Variants in KLC1 observed in about 807,000 individuals in gnomAD.
KLC1 encodes kinesin light chain 1, also known as kinesin 2 60/70kDa.
KLC1 carries 30 observed loss-of-function variants against 84.2 expected under a neutral mutation model. The observed-to-expected ratio is 0.36, with a 90% confidence interval of 0.27 to 0.48. The LOEUF is 0.48. KLC1 is among the 20% of genes least tolerant of loss of function. The pLI is 0.99. For synonymous variants in KLC1, 289 were observed against 293.3 expected (o/e 0.99, Z 0.15); for missense variants, 499 against 805.4 (o/e 0.62, Z 4.60).
rs1017781777 is a variant in KLC1 at position 103,701,233 on chromosome 14, C to T, written c.*34C>T. The T allele has an allele frequency of 7.1e-6, 11 of 1,549,338 alleles. No individual in the cohort carries two copies. Among genetic ancestry groups the T allele is most frequent in the Non-Finnish European group, 9.6e-6 (11 of 1,145,798 alleles). On this transcript the variant is annotated 3_prime_UTR_variant, in exon 17 of 17. Coordinates refer to ENST00000334553, the MANE Select transcript of KLC1 (RefSeq NM_001394837.1). Reference sequence around the variant, plus strand: ...GACCTGGCCCCGCTCCAGGATGGGACTGCCGAGTGTGGCCCGGAGCTGGCC... The same window carrying T: ...GACCTGGCCCCGCTCCAGGATGGGATTGCCGAGTGTGGCCCGGAGCTGGCC...
At chr14:103,696,245 TGACATG>T (rs2082501510) in intron 15 of KLC1, 1 of 985,216 alleles carries the variant, frequency 1.0e-6, no homozygotes, top group Non-Finnish European at 1.2e-6. Context: ...GGAAGTCCTG[TGACATG>T]GATGCTTCCC....
Position 103,694,888 on chromosome 14 carries a change from G to C in KLC1, c.1848+2463G>C. 15 of 985,494 alleles carry C rather than the reference G, an allele frequency of 1.5e-5. No individual in the cohort carries two copies. The highest frequency in any genetic ancestry group is 1.8e-5 in the Non-Finnish European group (15 of 829,942). 61.0% of individuals were successfully genotyped at this position (985,494 alleles called of 1,614,324 possible). A position where few individuals can be genotyped will look rare whatever the true frequency, so the allele number is the denominator to read the frequency against. On this transcript the variant is annotated intron_variant, in intron 15 of 16. Coordinates refer to ENST00000334553, the MANE Select transcript of KLC1 (RefSeq NM_001394837.1). The surrounding 1 kb of genome is among the most constrained non-coding windows in gnomAD (Gnocchi z 4.5). ...AAGTTTCATCCCGCCTCATGTCGCA[G>C]GACTGCTGTGTTTGTGAAAGCGCGT...
intron 9 of KLC1, among the ~76,000 whole-genome samples, chr14:103,675,202 A>G (rs544710766): frequency 1.3e-5 from 2 of 152,116 alleles, no homozygotes; most frequent in South Asian, 4.1e-4. Flanking sequence ...GCGGGTGCCT[A>G]TAATCCCAGC....
rs749414568 is a variant in KLC1, at chr14:103,677,419, A to G, written c.1384A>G (p.Thr462Ala). The G allele has an allele frequency of 1.9e-6, 3 of 1,602,580 alleles. No individual in the cohort carries two copies. Among genetic ancestry groups the G allele is most frequent in the East Asian group, 4.5e-5 (2 of 44,824 alleles). Residue 462 changes from threonine (T) to alanine (A), a missense_variant, in exon 12 of 17, where the codon ACT becomes GCT. Thr to Ala is a moderately conservative substitution (Grantham distance 58). This residue lies in a region of KLC1 where 153 missense variants were observed against 332.4 expected (regional missense o/e 0.46). Transcript: ENST00000334553. ...WYKACKVDSP[T>A]VTTTLKNLGA... ...ATGTCATGTGCTTTCTTACAGTCCAACTGTTACAACCACTCTAAAAAACCT... is the reference window on the plus strand; with the variant it reads ...ATGTCATGTGCTTTCTTACAGTCCAGCTGTTACAACCACTCTAAAAAACCT...
At chr14:103,645,853 G>A (rs1268390560) in intron 1 of KLC1, among the ~76,000 whole-genome samples, 1 of 151,902 alleles carries the variant, frequency 6.6e-6, no homozygotes, top group Non-Finnish European at 1.5e-5. Context: ...CGCCTTCTGG[G>A]TTCATGCCAT....
intron 1 of KLC1, among the ~76,000 whole-genome samples, chr14:103,643,993 ATCACGAGG>A (rs1025227568): frequency 6.6e-6 from 1 of 152,080 alleles, no homozygotes; most frequent in Non-Finnish European, 1.5e-5. Context: ...AGGCAGGCAG[ATCACGAGG>A]TCAGGAGATC....
At chr14:103,675,485 G>GAGCAGTTCAGA in intron 9 of KLC1, 67 bp from the exon 10 acceptor site, 2 of 1,379,476 alleles carry the variant, frequency 1.4e-6, no homozygotes, top group Non-Finnish European at 2.0e-6. Flanking sequence ...ATTCCCCTTA[G>GAGCAGTTCAGA]AGCAGTTCAG....
At position 103,701,342 on chromosome 14, in the gene KLC1, A is replaced by G; in HGVS notation, c.*143A>G. 3.5e-6 allele frequency: 3 copies of G among 865,072 alleles called. No individual in the cohort carries two copies. The highest frequency in any genetic ancestry group is 2.4e-5 in the Admixed American group (1 of 41,744). The allele number at this position is 865,072 out of a possible 1,614,324, so 53.6% of individuals were successfully genotyped here. On this transcript the variant is annotated 3_prime_UTR_variant, in exon 17 of 17. Transcript: ENST00000334553. ...TCTCCTGCGTCTGTGTGCATAGGAC[A>G]TGATACTAATAACCACACGGCTGGC...
rs554448731 is a variant in KLC1 at position 103,648,836 on chromosome 14, A to G, written c.-1-5728A>G. Among the ~76,000 whole-genome samples, 113 of 151,990 alleles carry G rather than the reference A, an allele frequency of 7.4e-4. 2 individuals are homozygous for G. Among genetic ancestry groups the G allele is most frequent in the Admixed American group, 2.3e-3 (35 of 15,262 alleles). Reference sequence around the variant, plus strand: ...GGAGAATCATGTATGTTAAAAATACATGTCAAAATGGCACAGTGGGCTGGG... The same window carrying G: ...GGAGAATCATGTATGTTAAAAATACGTGTCAAAATGGCACAGTGGGCTGGG... On this transcript the variant is annotated intron_variant, in intron 1 of 16. Transcript: ENST00000334553.
In KLC1 at chr14:103,657,874, C is replaced by T; in HGVS notation, c.492+98C>T. The T allele has an allele frequency of 3.6e-6, 3 of 844,570 alleles. No homozygotes were observed. In the South Asian group the frequency reaches 5.1e-5, roughly 14 times the overall value. 52.3% of individuals were successfully genotyped at this position (844,570 alleles called of 1,614,324 possible). On this transcript the variant is annotated intron_variant, in intron 3 of 16. Transcript: ENST00000334553. ...TTGCCATATTCTTTTCATATTAGAACATATTAGAACATTAGAACATGCAAA... is the reference window on the plus strand; with the variant it reads ...TTGCCATATTCTTTTCATATTAGAATATATTAGAACATTAGAACATGCAAA...
At chr14:103,681,650 G>A (rs1480373243) in intron 13 of KLC1, among the ~76,000 whole-genome samples, 1 of 152,038 alleles carries the variant, frequency 6.6e-6, no homozygotes, top group Non-Finnish European at 1.5e-5. Flanking sequence ...GTAGAGACAG[G>A]GTTTCACCAT....
At chr14:103,685,408 C>T in intron 13 of KLC1, 1 of 1,194,478 alleles carries the variant, frequency 8.4e-7, no homozygotes, top group Non-Finnish European at 1.1e-6. Flanking sequence ...ACTTTGATGA[C>T]CATTGGGAAT....
chr14:103,645,898 C>T (rs539739889), intron 1 of KLC1, among the ~76,000 whole-genome samples: 1 of 152,148 alleles, frequency 6.6e-6, no homozygotes, highest in Non-Finnish European at 1.5e-5. Flanking sequence ...GCTGGGACTA[C>T]AGGCACCCGC....
chr14:103,640,329 G>T (rs906857340), intron 1 of KLC1, among the ~76,000 whole-genome samples: 3 of 152,084 alleles, frequency 2.0e-5, no homozygotes, highest in African/African-American at 7.2e-5. Flanking sequence ...CAAAATTCTG[G>T]GATTACAGGC....
chr14:103,660,393 A>G (rs2079171673), intron 3 of KLC1, among the ~76,000 whole-genome samples: 1 of 151,762 alleles, frequency 6.6e-6, no homozygotes, highest in Admixed American at 6.6e-5. Context: ...AGGCAGGAGA[A>G]TCGCTTAAAC....
Position 103,670,107 on chromosome 14 carries a change from TG to T in KLC1, c.886-74del, listed in dbSNP as rs372260530. 10 of 984,760 alleles carry T rather than the reference TG, an allele frequency of 1.0e-5. No individual in the cohort carries two copies. The African/African-American group carries it at 1.7e-4, about 17-fold the overall frequency. The allele number at this position is 984,760 out of a possible 1,614,324, so 61.0% of individuals were successfully genotyped here. ...CTTTACTGTATAGATTGAATATAAA[TG>T]AATATGTGGTGTATAAATGTACTCT... On this transcript the variant is annotated intron_variant, in intron 6 of 16. Transcript: ENST00000334553.
chr14:103,695,508 G>A, intron 15 of KLC1: 2 of 985,382 alleles, frequency 2.0e-6, no homozygotes, highest in Non-Finnish European at 2.4e-6. Flanking sequence ...AGGGAGGAGG[G>A]CTCCGGAGCT....
chr14:103,638,190 T>A (rs2077191885), intron 1 of KLC1, among the ~76,000 whole-genome samples: 1 of 152,112 alleles, frequency 6.6e-6, no homozygotes, highest in African/African-American at 2.4e-5. Flanking sequence ...TTATAAACCT[T>A]TGCAAGGAAA....
At chr14:103,698,624 G>A (rs1003342401) in intron 15 of KLC1, 2 of 659,642 alleles carry the variant, frequency 3.0e-6, no homozygotes, top group African/African-American at 3.6e-5. Context: ...CAGCTCAGAT[G>A]GGGGTCAGTC....
Sources: gnomAD v4.1 joint callset for allele counts (sites outside exome capture counted in the v4.1 genomes callset) on GRCh38, gnomAD v4.1.1 for gene constraint, gnomAD v4.1.1 regional missense constraint, Gnocchi (gnomAD v3.1) non-coding constraint, MANE v1.5 for transcripts, NCBI Gene and HGNC (gene_info 2026-07-23, HGNC 2026-07-21) for gene names.